GRIN2B: variants seen among roughly 807,000 people sequenced by gnomAD.
GRIN2B encodes the protein glutamate receptor ionotropic, NMDA 2B.
GRIN2B carries 5 observed loss-of-function variants against 114.5 expected under a neutral mutation model. The ratio of observed to expected loss-of-function variants is 0.04; its 90% CI spans 0.02 to 0.09. The LOEUF (loss-of-function observed/expected upper bound fraction) is 0.09. Ranked by LOEUF, GRIN2B falls within the 10% of genes least tolerant of loss-of-function variation. The pLI is 1.00. For missense variants in GRIN2B, 1,108 were observed against 1,943.5 expected (o/e 0.57, Z 8.08); for synonymous variants, 787 against 745.1 (o/e 1.06, Z -0.92).
chr12:13,626,598 A>G (rs1301385367), intron 5 of GRIN2B, among the ~76,000 whole-genome samples: 1 of 152,178 alleles, frequency 6.6e-6, no homozygotes, highest in Non-Finnish European at 1.5e-5. Flanking sequence ...ATGTGAACTC[A>G]TTCATTCACC....
intron 4 of GRIN2B, among the ~76,000 whole-genome samples, chr12:13,750,870 C>G (rs1018559198): frequency 6.6e-6 from 1 of 152,134 alleles, no homozygotes; most frequent in Non-Finnish European, 1.5e-5. Flanking sequence ...GGAGATAATA[C>G]AGCATGCAAT....
At chr12:13,791,458 A>T (rs11609651) in intron 3 of GRIN2B, among the ~76,000 whole-genome samples, 25,002 of 144,640 alleles carry the variant, frequency 0.17, 2,576 homozygotes, top group Middle Eastern at 0.23. Flanking sequence ...TCTCAAAAAA[A>T]AAAATAAAAA....
intron 4 of GRIN2B, among the ~76,000 whole-genome samples, chr12:13,682,273 T>TAAAA (rs1950137930): frequency 3.9e-5 from 6 of 152,182 alleles, no homozygotes; most frequent in Admixed American, 3.9e-4. Context: ...AAATGATTCC[T>TAAAA]TTGAGATATG....
chr12:13,752,616 G>A (rs1031095246), intron 4 of GRIN2B, among the ~76,000 whole-genome samples: 4 of 152,140 alleles, frequency 2.6e-5, no homozygotes, highest in African/African-American at 9.7e-5. Flanking sequence ...ATACCCCACG[G>A]AGGATGCACT....
intron 4 of GRIN2B, among the ~76,000 whole-genome samples, chr12:13,685,614 T>A (rs1478096933): frequency 1.3e-5 from 2 of 152,126 alleles, no homozygotes; most frequent in African/African-American, 4.8e-5. Context: ...GACAGGCATG[T>A]CATGCTATGT....
intron 2 of GRIN2B, among the ~76,000 whole-genome samples, chr12:13,898,967 A>T (rs1866399702): frequency 6.6e-6 from 1 of 152,192 alleles, no homozygotes; most frequent in South Asian, 2.1e-4. Flanking sequence ...TACTACCACT[A>T]CCAATTACTG....
chr12:13,857,187 A>C (rs776882547), intron 3 of GRIN2B, among the ~76,000 whole-genome samples: 7 of 152,190 alleles, frequency 4.6e-5, no homozygotes, highest in Non-Finnish European at 8.8e-5. Flanking sequence ...AGGGAGAATG[A>C]GCATCAAGGA....
At chr12:13,895,917 T>C (rs1437746801) in intron 2 of GRIN2B, among the ~76,000 whole-genome samples, 2 of 152,154 alleles carry the variant, frequency 1.3e-5, no homozygotes, top group East Asian at 3.9e-4. Context: ...GGTTAAGTCA[T>C]GACTTAAAAC....
At chr12:13,843,358 G>T (rs1449955284) in intron 3 of GRIN2B, among the ~76,000 whole-genome samples, 5 of 151,496 alleles carry the variant, frequency 3.3e-5, no homozygotes, top group East Asian at 1.9e-4. Flanking sequence ...TACCCCTAGG[G>T]GTCATTCCCA....
intron 3 of GRIN2B, among the ~76,000 whole-genome samples, chr12:13,812,814 G>A (rs1262795488): frequency 3.3e-5 from 5 of 152,042 alleles, no homozygotes; most frequent in Non-Finnish European, 7.4e-5. Flanking sequence ...AGAAATTATG[G>A]ACTTGTCCTT....
intron 4 of GRIN2B, among the ~76,000 whole-genome samples, chr12:13,750,869 A>G (rs1591710969): frequency 6.6e-6 from 1 of 152,204 alleles, no homozygotes; most frequent in African/African-American, 2.4e-5. Context: ...GGGAGATAAT[A>G]CAGCATGCAA....
chr12:13,901,053 A>G (rs1360281539), intron 2 of GRIN2B, among the ~76,000 whole-genome samples: 2 of 152,176 alleles, frequency 1.3e-5, no homozygotes, highest in African/African-American at 4.8e-5. Context: ...TTTAATAGAT[A>G]ACGCCAAACA....
chr12:13,948,101 A>T (rs1050657472), intron 2 of GRIN2B, among the ~76,000 whole-genome samples: 6 of 152,224 alleles, frequency 3.9e-5, no homozygotes, highest in Non-Finnish European at 7.3e-5. Context: ...GGGAAGGATA[A>T]GATGGTATCT....
intron 3 of GRIN2B, among the ~76,000 whole-genome samples, chr12:13,767,764 T>G (rs1352760774): frequency 2.0e-5 from 3 of 152,190 alleles, no homozygotes; most frequent in African/African-American, 7.2e-5. Flanking sequence ...AATGTCCTCT[T>G]TTGTTCATAT....
Position 13,556,857 on chromosome 12 carries a change from G to A in GRIN2B, c.*5926C>T, listed in dbSNP as rs1402525751. The A allele has an allele frequency of 6.6e-6, 1 of 152,154 alleles. No homozygotes were observed. Among genetic ancestry groups the A allele is most frequent in the African/African-American group, 2.4e-5 (1 of 41,430 alleles). 9.4% of individuals were successfully genotyped at this position (152,154 alleles called of 1,614,324 possible). ...TCACTGTACAGAGCTCTTGAGAGATGTAGAGAGAAATGTGGAAGATTTCTA... is the reference window on the plus strand; with the variant it reads ...TCACTGTACAGAGCTCTTGAGAGATATAGAGAGAAATGTGGAAGATTTCTA... On this transcript the variant is annotated 3_prime_UTR_variant, in exon 14 of 14. Transcript: ENST00000609686.
intron 3 of GRIN2B, among the ~76,000 whole-genome samples, chr12:13,801,035 G>A (rs967069318): frequency 1.3e-5 from 2 of 152,104 alleles, no homozygotes; most frequent in Non-Finnish European, 2.9e-5. Flanking sequence ...GTTTCTGGTT[G>A]AATGCCTAAT....
At chr12:13,872,223 A>G (rs1865922665) in intron 2 of GRIN2B, among the ~76,000 whole-genome samples, 2 of 152,068 alleles carry the variant, frequency 1.3e-5, no homozygotes, top group Non-Finnish European at 2.9e-5. Flanking sequence ...ATTAGTGGCC[A>G]GGCACGGTGG....
intron 5 of GRIN2B, among the ~76,000 whole-genome samples, chr12:13,674,571 G>C (rs144199400): frequency 1.8e-4 from 27 of 152,134 alleles, no homozygotes; most frequent in African/African-American, 6.5e-4. Context: ...ATGAGGTTGT[G>C]AATTTCAAGA....
intron 5 of GRIN2B, among the ~76,000 whole-genome samples, chr12:13,632,712 A>G (rs140850646): frequency 1.3e-5 from 2 of 152,302 alleles, no homozygotes; most frequent in East Asian, 3.9e-4. Flanking sequence ...GTTGAGGGCT[A>G]AGCAAAGGTA....
Sources: gnomAD v4.1 joint callset for allele counts (sites outside exome capture counted in the v4.1 genomes callset) on GRCh38, gnomAD v4.1.1 for gene constraint, MANE v1.5 for transcripts, NCBI Gene and HGNC (gene_info 2026-07-23, HGNC 2026-07-21) for gene names.